Variants in SNRPN observed in about 807,000 individuals in gnomAD.
SNRPN encodes the protein small nuclear ribonucleoprotein polypeptide N.
In SNRPN, 7 loss-of-function variants were observed where a neutral mutation model predicts 25.2. The observed-to-expected ratio is 0.28, with a 90% CI of 0.16 to 0.52. The LOEUF is 0.52. Among genes scored for constraint, SNRPN ranks in the 20% least tolerant of loss-of-function variants. SNRPN has a pLI of 0.96. For synonymous variants in SNRPN, 124 were observed against 110.6 expected, an observed-to-expected ratio of 1.12 and a Z score of -0.76; for missense variants, 196 against 322.5, an observed-to-expected ratio of 0.61 and a Z score of 3.00.
At position 24,911,798 on chromosome 15, in the gene SNRPN, G is replaced by A. The variant is rs552828768; in HGVS notation, c.-504-8213G>A. Among the ~76,000 whole-genome samples the A allele has an allele frequency of 4.6e-5, 7 of 152,310 alleles. No individual in the cohort carries two copies. The East Asian group carries it at 1.4e-3, about 29-fold the overall frequency. ...ATGTCCAGCAGAACTATTGGGTTGG[G>A]GCCACCACAGAGTGCCCTCACTAGG... is the stretch of plus-strand genomic sequence containing the variant. On this transcript the variant is annotated intron_variant, in intron 2 of 11. Coordinates refer to the SNRPN transcript ENST00000400097.
chr15:24,893,890 A>G (rs28526050), intron 2 of SNRPN, among the ~76,000 whole-genome samples: 9,377 of 152,240 alleles, frequency 0.062, 417 homozygotes, highest in East Asian at 0.13. Flanking sequence ...AAGGTAAAAA[A>G]TAGGAAAAGA....
intron 2 of SNRPN, among the ~76,000 whole-genome samples, chr15:24,894,509 G>A (rs1039405406): frequency 6.6e-6 from 1 of 152,210 alleles, no homozygotes; most frequent in Non-Finnish European, 1.5e-5. Flanking sequence ...GTGAGCCACC[G>A]TGCCCAGCCG....
chr15:24,873,934 T>C (rs2055533499), intron 1 of SNRPN, among the ~76,000 whole-genome samples: 1 of 151,640 alleles, frequency 6.6e-6, no homozygotes, highest in South Asian at 2.1e-4. Context: ...ACATTTGCAA[T>C]TCAAGAAACC....
In SNRPN at chr15:24,976,409, C is replaced by T. The variant is rs1481471945; in HGVS notation, c.260C>T (p.Pro87Leu). 3 of 1,605,670 alleles carry T rather than the reference C, an allele frequency of 1.9e-6. No homozygotes were observed. The highest frequency in any genetic ancestry group is 2.6e-6 in the Non-Finnish European group (3 of 1,174,284). The change falls in exon 6 of 10, where the codon CCC becomes CTC. Residue 87 changes from proline (P) to leucine (L), a missense_variant. Pro to Leu is a moderately conservative substitution (Grantham distance 98, BLOSUM62 -3). Coordinates refer to ENST00000390687, the MANE Select transcript of SNRPN (RefSeq NM_003097.6). ...TCCATGACTGTGGAGGGGCCACCCC[C>T]CAAAGATGTAAGGAAGATGTAGGGC... is the stretch of plus-strand genomic sequence containing the variant. ...LVSMTVEGPP[P>L]KDTGIARVPL...
chr15:24,851,386 G>A (rs1566825016), intron 2 of SNRPN: 2 of 152,266 alleles, frequency 1.3e-5, no homozygotes, highest in Non-Finnish European at 2.9e-5. Context: ...GGACAAGGAA[G>A]GCCTCTAGGA....
intron 2 of SNRPN, among the ~76,000 whole-genome samples, chr15:24,834,749 C>CTATATATATATATATATA (rs1416978769): frequency 1.6e-5 from 1 of 63,082 alleles, no homozygotes; most frequent in African/African-American, 7.9e-5. Context: ...CTCTCTCTCT[C>CTATATATATATATATATA]TCTATATATA....
intron 2 of SNRPN, among the ~76,000 whole-genome samples, chr15:24,837,407 G>GCC (rs2051289298): frequency 6.7e-5 from 10 of 150,342 alleles, no homozygotes; most frequent in East Asian, 1.9e-4. Flanking sequence ...TCACTGTGTA[G>GCC]CCCAGGCTGG....
intron 2 of SNRPN, among the ~76,000 whole-genome samples, chr15:24,893,372 AT>A (rs2057835007): frequency 6.6e-6 from 1 of 152,054 alleles, no homozygotes; most frequent in African/African-American, 2.4e-5. Flanking sequence ...ATCCCAGCAC[AT>A]TGGGAACCTA....
intron 2 of SNRPN, among the ~76,000 whole-genome samples, chr15:24,839,733 A>AC: frequency 6.6e-6 from 1 of 152,072 alleles, no homozygotes; most frequent in East Asian, 1.9e-4. Flanking sequence ...ACCATGCCAC[A>AC]CCATCAGCAG....
intron 2 of SNRPN, among the ~76,000 whole-genome samples, chr15:24,889,942 C>T (rs967347513): frequency 2.0e-5 from 3 of 147,784 alleles, no homozygotes; most frequent in East Asian, 2.1e-4. Context: ...CCCAGCTACT[C>T]AGGAGACTGA....
intron 1 of SNRPN, among the ~76,000 whole-genome samples, chr15:24,880,120 A>T (rs1422957108): frequency 6.6e-6 from 1 of 152,146 alleles, no homozygotes; most frequent in African/African-American, 2.4e-5. Flanking sequence ...GTGAAGTTGG[A>T]CCCACTGTCT....
At chr15:24,881,186 A>G (rs1184406279) in intron 1 of SNRPN, among the ~76,000 whole-genome samples, 1 of 152,096 alleles carries the variant, frequency 6.6e-6, no homozygotes, top group African/African-American at 2.4e-5. Context: ...GAATTCAAGC[A>G]TATGGAGGTG....
intron 2 of SNRPN, among the ~76,000 whole-genome samples, chr15:24,844,400 T>C (rs1370314323): frequency 6.6e-6 from 1 of 152,230 alleles, no homozygotes; most frequent in Non-Finnish European, 1.5e-5. Flanking sequence ...ATAATTTTGA[T>C]ATGACCTACA....
Position 24,976,894 on chromosome 15 carries a change from A to G in SNRPN, c.285A>G (p.Val95=), listed in dbSNP as rs747941335. The part of the protein sequence containing the change: ...PPPKDTGIAR[V]PLAGAAGGPG... ...TGTTTCAGACTGGCATTGCTCGGGT[A>G]CCACTTGCTGGAGCTGCTGGAGGCC... Residue 95 remains valine, a synonymous_variant, in exon 7 of 10, where the codon GTA becomes GTG. Transcript: ENST00000390687. The G allele has an allele frequency of 5.0e-6, 8 of 1,608,244 alleles. No individual in the cohort carries two copies. The highest frequency in any genetic ancestry group is 3.4e-5 in the Admixed American group (2 of 58,752).
At chr15:24,854,380 G>A (rs2146134165), upstream of SNRPN, among the ~76,000 whole-genome samples, 1 of 152,282 alleles carries the variant, frequency 6.6e-6, no homozygotes, top group East Asian at 1.9e-4. Context: ...CTTTATATGT[G>A]ATCATGTAGA....
intron 1 of SNRPN, among the ~76,000 whole-genome samples, chr15:24,879,618 G>C (rs1358202283): frequency 2.0e-5 from 3 of 152,182 alleles, no homozygotes; most frequent in Non-Finnish European, 4.4e-5. Context: ...TTTCTGCAGA[G>C]ACCATGTCTG....
rs116685807 is a variant in SNRPN at position 24,866,930 on chromosome 15, A to G, written c.-579+10214A>G. ...TATATATAATTTTCTTTATCTGTCA[A>G]CGGACACATAGGTTGATTCCGTATG... On this transcript the variant is annotated intron_variant, in intron 1 of 11. Coordinates refer to the SNRPN transcript ENST00000400097. Among the ~76,000 whole-genome samples the G allele has an allele frequency of 5.2e-3, 795 of 152,196 alleles. 6 individuals are homozygous for G. Among genetic ancestry groups the G allele is most frequent in the Middle Eastern group, 0.02 (6 of 294 alleles).
At chr15:24,879,222 C>T (rs550932506) in intron 1 of SNRPN, among the ~76,000 whole-genome samples, 18 of 152,108 alleles carry the variant, frequency 1.2e-4, no homozygotes, top group African/African-American at 4.3e-4. Context: ...ATTGCCTGAG[C>T]TCGGGGGTTC....
chr15:24,871,255 G>A (rs937252487), intron 1 of SNRPN, among the ~76,000 whole-genome samples: 2 of 151,804 alleles, frequency 1.3e-5, no homozygotes, highest in Non-Finnish European at 2.9e-5. Context: ...GTTATGCAGG[G>A]TTTCAAAAAC....
Sources: gnomAD v4.1 joint callset for allele counts (sites outside exome capture counted in the v4.1 genomes callset) on GRCh38, gnomAD v4.1.1 for gene constraint, MANE v1.5 for transcripts, NCBI Gene and HGNC (gene_info 2026-07-23, HGNC 2026-07-21) for gene names.